ENPP2: variants seen among roughly 807,000 people sequenced by gnomAD.
ENPP2 encodes the protein ectonucleotide pyrophosphatase/phosphodiesterase 2.
ENPP2 carries 51 observed loss-of-function variants against 120.2 expected under a neutral mutation model. That is an observed-to-expected ratio of 0.42 (90% CI 0.34 to 0.54). The LOEUF (loss-of-function observed/expected upper bound fraction) is 0.54. Among genes scored for constraint, ENPP2 ranks in the 20% least tolerant of loss-of-function variants. The probability of loss-of-function intolerance (pLI) is 0.04; values close to 1 mark genes in which losing one functional copy is unlikely to be tolerated. For missense variants in ENPP2, 920 were observed against 1,066.5 expected (o/e 0.86, Z 1.91); for synonymous variants, 365 against 366.4 (o/e 1.00, Z 0.04).
At position 119,590,636 on chromosome 8, in the gene ENPP2, G is replaced by A. The variant is rs751095963; in HGVS notation, c.1082-6C>T. ...ACATGTGACATCTTCCATTCCTATG[G>A]GGAGGGAGAAAAAGAATATTTTCAG... On this transcript the variant is annotated splice_polypyrimidine_tract_variant and splice_region_variant and intron_variant, in intron 12 of 24. Coordinates refer to ENST00000075322, the MANE Select transcript of ENPP2 (RefSeq NM_001040092.3). 9 of 1,481,490 alleles carry A rather than the reference G, an allele frequency of 6.1e-6. No homozygotes were observed. The highest frequency in any genetic ancestry group is 1.4e-5 in the South Asian group (1 of 70,606). 91.8% of individuals were successfully genotyped at this position (1,481,490 alleles called of 1,614,324 possible). A position where few individuals can be genotyped will look rare whatever the true frequency, so the allele number is the denominator to read the frequency against.
intron 21 of ENPP2, among the ~76,000 whole-genome samples, chr8:119,568,587 G>C (rs568934567): frequency 1.3e-5 from 2 of 152,050 alleles, no homozygotes; most frequent in African/African-American, 4.8e-5. Context: ...GGTAATGAGA[G>C]ATGGTTTAAG....
At chr8:119,581,828 C>A (rs558480033) in intron 18 of ENPP2, among the ~76,000 whole-genome samples, 16 of 151,382 alleles carry the variant, frequency 1.1e-4, no homozygotes, top group Non-Finnish European at 1.5e-4. Context: ...GACACAATCC[C>A]GGCTCACTGC....
intron 11 of ENPP2, among the ~76,000 whole-genome samples, 162 bp downstream of exon 11, chr8:119,600,516 T>C (rs1233767910): frequency 6.6e-6 from 1 of 152,244 alleles, no homozygotes; most frequent in South Asian, 2.1e-4. Flanking sequence ...CAGGTCGTTT[T>C]AAGATTTTTT....
At chr8:119,561,687 A>G (rs879644113) in intron 24 of ENPP2, among the ~76,000 whole-genome samples, 2 of 152,172 alleles carry the variant, frequency 1.3e-5, no homozygotes, top group Non-Finnish European at 2.9e-5. Context: ...ATCAGGAGTC[A>G]TCTGTGCTAT....
chr8:119,571,444 AG>A (rs1308253809), intron 19 of ENPP2: 1 of 152,242 alleles, frequency 6.6e-6, no homozygotes, highest in Non-Finnish European at 1.5e-5. Context: ...AGTACAGAAG[AG>A]GGAAGTTCAT....
Position 119,638,012 on chromosome 8 carries a change from T to C in ENPP2, c.136+413A>G, listed in dbSNP as rs547160441. On this transcript the variant is annotated intron_variant, in intron 2 of 24. Transcript: ENST00000075322. ...TCATAAAGATAGCTCACTGCCTTTTTTACTTCCATTCCTTTTTCCTACATC... is the reference window on the plus strand; with the variant it reads ...TCATAAAGATAGCTCACTGCCTTTTCTACTTCCATTCCTTTTTCCTACATC... Among the ~76,000 whole-genome samples the C allele has an allele frequency of 4.6e-5, 7 of 152,308 alleles. No individual in the cohort carries two copies. The East Asian group carries it at 1.4e-3, about 29-fold the overall frequency.
At chr8:119,646,946 C>T (rs1817485960) in intron 1 of ENPP2, among the ~76,000 whole-genome samples, 1 of 151,798 alleles carries the variant, frequency 6.6e-6, no homozygotes, top group Non-Finnish European at 1.5e-5. Context: ...TTGCCCTCAT[C>T]TTCACACAGA....
intron 1 of ENPP2, among the ~76,000 whole-genome samples, chr8:119,648,346 G>A (rs1283405971): frequency 6.6e-6 from 1 of 152,184 alleles, no homozygotes; most frequent in Non-Finnish European, 1.5e-5. Flanking sequence ...TTTATGGAGA[G>A]ATTATATGTA....
chr8:119,590,711 G>A, intron 12 of ENPP2, 81 bp from the exon 13 acceptor site: 1 of 1,011,786 alleles, frequency 9.9e-7, no homozygotes, highest in Non-Finnish European at 1.4e-6. Context: ...TAACATCCAG[G>A]CATCTCTTTA....
At chr8:119,595,926 C>A (rs1480491278) in intron 11 of ENPP2, 3 of 1,613,860 alleles carry the variant, frequency 1.9e-6, no homozygotes, top group Non-Finnish European at 2.5e-6. Context: ...AGCAACTGGT[C>A]TTTCCTGTCT....
intron 22 of ENPP2, among the ~76,000 whole-genome samples, chr8:119,565,878 A>G (rs1814383714): frequency 6.6e-6 from 1 of 151,208 alleles, no homozygotes; most frequent in Admixed American, 6.6e-5. Flanking sequence ...TTGCACGCAC[A>G]TGCACACACA....
intron 8 of ENPP2, among the ~76,000 whole-genome samples, chr8:119,614,599 ATCT>A (rs1373183827): frequency 1.3e-5 from 2 of 152,200 alleles, no homozygotes; most frequent in African/African-American, 4.8e-5. Context: ...ATGTGGCCTC[ATCT>A]TCTTCTGAGT....
At chr8:119,574,833 T>C (rs1359170574) in intron 19 of ENPP2, among the ~76,000 whole-genome samples, 1 of 152,242 alleles carries the variant, frequency 6.6e-6, no homozygotes, top group Non-Finnish European at 1.5e-5. Context: ...GCCTTACAAG[T>C]GCCTATTATC....
chr8:119,644,615 T>C (rs1462801203), intron 1 of ENPP2, among the ~76,000 whole-genome samples: 1 of 103,118 alleles, frequency 9.7e-6, no homozygotes, highest in African/African-American at 4.1e-5. Flanking sequence ...TATATATATA[T>C]ATATATATAT....
At position 119,606,011 on chromosome 8, in the gene ENPP2, C is replaced by T. The variant is rs907115066; in HGVS notation, c.833+1911G>A. On this transcript the variant is annotated intron_variant, in intron 9 of 24. Coordinates refer to ENST00000075322, the MANE Select transcript of ENPP2 (RefSeq NM_001040092.3). ...GCAAGAATAATTCTAGGTTGCAGTACGGAACCATGTTAAAAAGATGGCCTT... is the reference window on the plus strand; with the variant it reads ...GCAAGAATAATTCTAGGTTGCAGTATGGAACCATGTTAAAAAGATGGCCTT... 2.0e-5 allele frequency among the ~76,000 whole-genome samples: 3 copies of T among 152,138 alleles called. No homozygotes were observed. In the East Asian group the frequency reaches 5.8e-4, roughly 29 times the overall value.
At chr8:119,628,878 T>C (rs1488135706) in intron 2 of ENPP2, among the ~76,000 whole-genome samples, 1 of 152,188 alleles carries the variant, frequency 6.6e-6, no homozygotes, top group East Asian at 1.9e-4. Context: ...AGAAACAGGT[T>C]ATGGAATTAC....
chr8:119,570,718 G>T lies in ENPP2; in HGVS notation c.1904C>A (p.Thr635Asn). 1 of 1,564,508 alleles carries T rather than the reference G, an allele frequency of 6.4e-7. No homozygotes were observed. The highest frequency in any genetic ancestry group is 8.7e-7 in the Non-Finnish European group (1 of 1,153,776). ...TTTCTCAATGACCTGTTTGGAAACAGTATATGATGTCCAGAGTGGCATTAG... is the reference window on the plus strand; with the variant it reads ...TTTCTCAATGACCTGTTTGGAAACATTATATGATGTCCAGAGTGGCATTAG... ...IFLMPLWTSY[T>N]VSKQAEVSSV... is the part of the protein sequence containing the mutation. Residue 635 changes from threonine (T) to asparagine (N), a missense_variant, in exon 20 of 25, where the codon ACT becomes AAT. Coordinates refer to ENST00000075322, the MANE Select transcript of ENPP2 (RefSeq NM_001040092.3).
intron 19 of ENPP2, among the ~76,000 whole-genome samples, chr8:119,576,508 A>C (rs78846382): frequency 3.9e-5 from 6 of 152,234 alleles, no homozygotes; most frequent in African/African-American, 1.4e-4. Flanking sequence ...AAGTATACAT[A>C]GGTGTTAAAA....
intron 9 of ENPP2, among the ~76,000 whole-genome samples, chr8:119,604,004 ATC>A (rs771482948): frequency 3.6e-5 from 4 of 110,454 alleles, no homozygotes; most frequent in Non-Finnish European, 7.2e-5. Context: ...TAACCTCTCA[ATC>A]TCTCTCTTTT....
Sources: allele counts gnomAD v4.1 joint callset (sites outside exome capture counted in the v4.1 genomes callset), GRCh38; gene constraint gnomAD v4.1.1; transcripts MANE v1.5; gene names NCBI Gene and HGNC (gene_info 2026-07-23, HGNC 2026-07-21).